The following FGD3 variants were observed in gnomAD, a reference collection of about 807,000 sequenced individuals.
The protein encoded by FGD3 is FYVE, RhoGEF and PH domain containing 3.
Under a neutral mutation model 71.8 loss-of-function variants are expected in FGD3, and 45 were observed. The observed-to-expected ratio is 0.63, with a 90% CI of 0.49 to 0.80. FGD3 has a LOEUF of 0.80. Ranked by LOEUF, FGD3 falls within the 30% of genes least tolerant of loss-of-function variation. FGD3 has a pLI of 0.00. For missense variants in FGD3, 844 were observed against 951.5 expected (o/e 0.89, Z 1.49); for synonymous variants, 378 against 392.8 (o/e 0.96, Z 0.44).
chr9:93,029,333 G>A (rs1025061355), intron 14 of FGD3, among the ~76,000 whole-genome samples: 4 of 152,128 alleles, frequency 2.6e-5, no homozygotes, highest in Non-Finnish European at 5.9e-5. Context: ...GAGCCACTGC[G>A]TCCAGCCTCC....
chr9:92,980,011 C>T (rs1859925142), intron 3 of FGD3, among the ~76,000 whole-genome samples: 1 of 148,682 alleles, frequency 6.7e-6, no homozygotes, highest in African/African-American at 2.5e-5. Flanking sequence ...AAAATCTATA[C>T]ATTTAGACAA....
At chr9:92,990,090 AT>A (rs967087633) in intron 3 of FGD3, among the ~76,000 whole-genome samples, 36 of 151,580 alleles carry the variant, frequency 2.4e-4, no homozygotes, top group African/African-American at 6.3e-4. Context: ...ACTTTATGAA[AT>A]TTTTTTTTAT....
chr9:92,982,167 C>T (rs776501722), intron 3 of FGD3, among the ~76,000 whole-genome samples: 1 of 152,168 alleles, frequency 6.6e-6, no homozygotes, highest in Non-Finnish European at 1.5e-5. Flanking sequence ...CTCTAGTATT[C>T]TCTGCTGTAC....
intron 1 of FGD3, among the ~76,000 whole-genome samples, chr9:92,955,709 C>T (rs1164143894): frequency 6.6e-6 from 1 of 152,114 alleles, no homozygotes; most frequent in Admixed American, 6.5e-5. Flanking sequence ...AGGGAGCCTC[C>T]TGTGGCCCTT....
At chr9:93,033,079 A>T (rs554213010) in intron 16 of FGD3, 1 of 647,020 alleles carries the variant, frequency 1.5e-6, no homozygotes, top group African/African-American at 1.8e-5. Flanking sequence ...GGGACCAGCC[A>T]GGGCCAAGGC....
chr9:93,003,844 G>T lies in FGD3; in HGVS notation c.544-157G>T, dbSNP rs1860946733. Among the ~76,000 whole-genome samples, 1 of 152,206 alleles carries T rather than the reference G, an allele frequency of 6.6e-6. No individual in the cohort carries two copies. Among genetic ancestry groups the T allele is most frequent in the African/African-American group, 2.4e-5 (1 of 41,454 alleles). ...ACCATGAGGTTGTCTGAACCAGTTG[G>T]ATGAAAAGGGAGGACAATAATTCTG... On this transcript the variant is annotated intron_variant, in intron 4 of 17. Coordinates refer to ENST00000375482, the MANE Select transcript of FGD3 (RefSeq NM_001083536.2). The surrounding 1 kb of genome is among the most constrained non-coding windows in gnomAD (Gnocchi z 4.1).
intron 1 of FGD3, among the ~76,000 whole-genome samples, chr9:92,961,850 A>G (rs762815574): frequency 6.6e-6 from 1 of 152,166 alleles, no homozygotes; most frequent in Non-Finnish European, 1.5e-5. Context: ...GCATCCTCAT[A>G]ACATGGCAGC....
chr9:92,995,461 T>C (rs1429310203), intron 3 of FGD3, among the ~76,000 whole-genome samples: 1 of 152,220 alleles, frequency 6.6e-6, no homozygotes, highest in Non-Finnish European at 1.5e-5. Flanking sequence ...TTGAATATGC[T>C]TTATTTCTTT....
intron 7 of FGD3, among the ~76,000 whole-genome samples, chr9:93,010,789 T>C (rs1861311569): frequency 6.6e-6 from 1 of 151,796 alleles, no homozygotes; most frequent in African/African-American, 2.4e-5. Flanking sequence ...CTTAGCATCT[T>C]TGAGGGCAGA....
intron 14 of FGD3, among the ~76,000 whole-genome samples, chr9:93,025,892 G>A (rs967551444): frequency 6.6e-6 from 1 of 152,248 alleles, no homozygotes; most frequent in African/African-American, 2.4e-5. Context: ...CTGGGACGAG[G>A]CCACGCCCTG....
rs1859764449 is a variant in FGD3, at chr9:92,976,570, T to C, written c.314T>C (p.Leu105Pro). 2 of 1,612,620 alleles carry C rather than the reference T, an allele frequency of 1.2e-6. No individual in the cohort carries two copies. Among genetic ancestry groups the C allele is most frequent in the Non-Finnish European group, 1.7e-6 (2 of 1,179,862 alleles). ...GLEAGPSPTV[L>P]GAHAEMALDS... ...GAGGCTGGCCCAAGCCCCACTGTAC[T>C]GGGGGCGCACGCAGAGATGGCCCTG... Residue 105 changes from leucine (L) to proline (P), a missense_variant, in exon 3 of 18, where the codon CTG becomes CCG. Transcript: ENST00000375482.
intron 15 of FGD3, 111 bp downstream of exon 15, chr9:93,030,107 G>A (rs1171860704): frequency 1.2e-5 from 15 of 1,269,564 alleles, no homozygotes; most frequent in Middle Eastern, 2.8e-4. Flanking sequence ...AGCCCTGCAC[G>A]GAAGGGCTTC....
intron 8 of FGD3, among the ~76,000 whole-genome samples, chr9:93,011,592 T>C (rs968320732): frequency 3.9e-5 from 6 of 152,236 alleles, no homozygotes; most frequent in African/African-American, 1.2e-4. Flanking sequence ...GCGCGGTTGC[T>C]CATTCCTATA....
rs752925504 is a variant in FGD3, at chr9:92,976,683, G to A, written c.427G>A (p.Ala143Thr). Residue 143 changes from alanine to threonine, a missense_variant, in exon 3 of 18, where the codon GCT becomes ACT. Ala to Thr is a moderately conservative substitution (Grantham distance 58). Coordinates refer to ENST00000375482, the MANE Select transcript of FGD3 (RefSeq NM_001083536.2). The part of the protein sequence containing the change: ...EPDSENTPQK[A>T]DKDAGLAQHS... ...TGACTCTGAGAACACCCCCCAGAAG[G>A]CTGACAAGGATGCCGGCCTGGCCCA... 2.5e-6 allele frequency: 4 copies of A among 1,599,442 alleles called. No homozygotes were observed. The Admixed American group carries it at 5.1e-5, about 20-fold the overall frequency.
chr9:92,953,190 A>G lies in FGD3; in HGVS notation c.-218+5461A>G, dbSNP rs560324341. Among the ~76,000 whole-genome samples the G allele has an allele frequency of 1.6e-4, 24 of 152,242 alleles. No homozygotes were observed. The East Asian group carries it at 4.4e-3, about 28-fold the overall frequency. ...ATTGCCTTATTTTTTAATGTATATC[A>G]TTCTCTATTTACACATTGATAATTT... On this transcript the variant is annotated intron_variant, in intron 1 of 17. Coordinates refer to ENST00000375482, the MANE Select transcript of FGD3 (RefSeq NM_001083536.2).
chr9:92,965,488 C>T (rs1246724219), intron 1 of FGD3, among the ~76,000 whole-genome samples: 2 of 152,170 alleles, frequency 1.3e-5, no homozygotes, highest in African/African-American at 4.8e-5. Context: ...GTGGTTTGTC[C>T]CCAGCTGGGC....
chr9:93,018,171 A>G lies in FGD3; in HGVS notation c.1311A>G (p.Thr437=). ...TCGTCAAGCCAAACACAGCACATACATTCATCATAACAGGAAGAAAAAGGT... is the reference window on the plus strand; with the variant it reads ...TCGTCAAGCCAAACACAGCACATACGTTCATCATAACAGGAAGAAAAAGGT... ...QDIVKPNTAH[T]FIITGRKRSL... is the part of the protein sequence containing the mutation. Residue 437 remains threonine, a synonymous_variant, in exon 11 of 18, where the codon ACA becomes ACG. Coordinates refer to ENST00000375482, the MANE Select transcript of FGD3 (RefSeq NM_001083536.2). 1.2e-6 allele frequency: 2 copies of G among 1,614,160 alleles called. No individual in the cohort carries two copies. Among genetic ancestry groups the G allele is most frequent in the African/African-American group, 1.3e-5 (1 of 75,040 alleles).
chr9:93,015,065 T>A (rs1455522011), intron 9 of FGD3, among the ~76,000 whole-genome samples: 3 of 150,618 alleles, frequency 2.0e-5, no homozygotes, highest in Admixed American at 6.6e-5. Context: ...TTCCCAAATG[T>A]CACATCAATG....
At chr9:93,027,715 CTTTTTT>C (rs1199094054) in intron 14 of FGD3, among the ~76,000 whole-genome samples, 1,258 of 102,000 alleles carry the variant, frequency 0.012, 16 homozygotes, top group African/African-American at 0.047. Flanking sequence ...TTCTTTCTTT[CTTTTTT>C]TTTTTTTTTT....
Sources: gnomAD v4.1 joint callset for allele counts (sites outside exome capture counted in the v4.1 genomes callset) on GRCh38, gnomAD v4.1.1 for gene constraint, Gnocchi (gnomAD v3.1) non-coding constraint, MANE v1.5 for transcripts, NCBI Gene and HGNC (gene_info 2026-07-23, HGNC 2026-07-21) for gene names.